Variants in ENOX1 observed in about 807,000 individuals in gnomAD.
The protein encoded by ENOX1 is ecto-NOX disulfide-thiol exchanger 1.
Under a neutral mutation model 82.5 loss-of-function variants are expected in ENOX1, and 42 were observed. That is an observed-to-expected ratio of 0.51 (90% CI 0.40 to 0.66). ENOX1 has a LOEUF of 0.66. Ranked by LOEUF, ENOX1 falls within the 30% of genes least tolerant of loss-of-function variation. The pLI is 0.00. For synonymous variants in ENOX1, 271 were observed against 282.2 expected (o/e 0.96, Z 0.40); for missense variants, 608 against 811.6 (o/e 0.75, Z 3.05).
chr13:43,324,959 A>G (rs1159335661), intron 10 of ENOX1, among the ~76,000 whole-genome samples: 1 of 152,222 alleles, frequency 6.6e-6, no homozygotes, highest in Non-Finnish European at 1.5e-5. Flanking sequence ...CCTTTCTCTC[A>G]ACATTCCTTT....
chr13:43,280,883 G>T (rs932662402), intron 12 of ENOX1, among the ~76,000 whole-genome samples: 1 of 152,128 alleles, frequency 6.6e-6, no homozygotes, highest in Admixed American at 6.5e-5. Flanking sequence ...AAATAAATGG[G>T]CACATTCATC....
At chr13:43,695,843 A>AT (rs1015213753) in intron 1 of ENOX1, among the ~76,000 whole-genome samples, 2 of 152,128 alleles carry the variant, frequency 1.3e-5, no homozygotes, top group African/African-American at 2.4e-5. Flanking sequence ...CGGTTCAGTG[A>AT]TTTTTAATAT....
intron 2 of ENOX1, among the ~76,000 whole-genome samples, chr13:43,507,839 A>G (rs1460043868): frequency 6.6e-6 from 1 of 152,054 alleles, no homozygotes; most frequent in Non-Finnish European, 1.5e-5. Flanking sequence ...CACAAAGAAA[A>G]GTAAAAGCAA....
At chr13:43,703,962 T>C (rs2087079756) in intron 1 of ENOX1, among the ~76,000 whole-genome samples, 2 of 151,984 alleles carry the variant, frequency 1.3e-5, no homozygotes, top group African/African-American at 4.8e-5. Flanking sequence ...AAAATGACCT[T>C]AGTAGCAAAG....
intron 2 of ENOX1, among the ~76,000 whole-genome samples, chr13:43,506,986 TA>T (rs71099836): frequency 0.77 from 116,327 of 150,788 alleles, 45,030 homozygotes; most frequent in East Asian, 0.98. Context: ...TAAAGTATAA[TA>T]AAAAAAAACC....
At chr13:43,781,592 C>A (rs1180884614) in intron 1 of ENOX1, among the ~76,000 whole-genome samples, 1 of 152,064 alleles carries the variant, frequency 6.6e-6, no homozygotes, top group Non-Finnish European at 1.5e-5. Flanking sequence ...TGGCTCACTG[C>A]AACCTCTGCC....
In ENOX1 at chr13:43,417,227, ACGGGAGACGGGAGAC is replaced by A. The variant is rs1188694402; in HGVS notation, c.-74-4254_-74-4240del. Reference sequence around the variant, plus strand: ...GGAGACGGGAGACGGGAGACGGGAGACGGGAGACGGGAGACGGGAGAGGGAGAGGGAGAGGGAGAG... The same window carrying A: ...GGAGACGGGAGACGGGAGACGGGAGAGGGAGAGGGAGAGGGAGAGGGAGAG... On this transcript the variant is annotated intron_variant, in intron 3 of 16. Coordinates refer to ENST00000690772, the MANE Select transcript of ENOX1 (RefSeq NM_001347969.2). 6.3e-3 allele frequency among the ~76,000 whole-genome samples: 364 copies of A among 57,486 alleles called. 11 individuals carry two copies. Among genetic ancestry groups the A allele is most frequent in the Middle Eastern group, 0.019 (2 of 108 alleles). 37.7% of individuals were successfully genotyped at this position (57,486 alleles called of 152,430 possible). A position where few individuals can be genotyped will look rare whatever the true frequency, so the allele number is the denominator to read the frequency against.
intron 2 of ENOX1, among the ~76,000 whole-genome samples, chr13:43,522,397 T>TA (rs2077809741): frequency 6.6e-6 from 1 of 152,102 alleles, no homozygotes; most frequent in African/African-American, 2.4e-5. Flanking sequence ...AAATAACCCC[T>TA]AATCCATTTT....
At chr13:43,672,956 AC>A (rs779830651) in intron 1 of ENOX1, among the ~76,000 whole-genome samples, 10 of 151,968 alleles carry the variant, frequency 6.6e-5, no homozygotes, top group Non-Finnish European at 1.5e-4. Flanking sequence ...AAAGTCTCTT[AC>A]CTCCCAAAGC....
intron 3 of ENOX1, among the ~76,000 whole-genome samples, chr13:43,479,815 A>G (rs902993293): frequency 1.3e-5 from 2 of 152,214 alleles, no homozygotes; most frequent in African/African-American, 4.8e-5. Flanking sequence ...GCAGACCTCC[A>G]CTGCTGGACA....
intron 3 of ENOX1, among the ~76,000 whole-genome samples, chr13:43,435,836 T>G (rs1006236249): frequency 6.6e-6 from 1 of 151,408 alleles, no homozygotes; most frequent in Non-Finnish European, 1.5e-5. Context: ...ATTGTAGAAG[T>G]CTGTGGTTGA....
intron 2 of ENOX1, among the ~76,000 whole-genome samples, chr13:43,504,224 G>T (rs1471512020): frequency 6.6e-6 from 1 of 151,768 alleles, no homozygotes; most frequent in East Asian, 1.9e-4. Context: ...AGCTGTTGGT[G>T]GGAATGTAAA....
chr13:43,604,319 T>C (rs2081882767), intron 2 of ENOX1, among the ~76,000 whole-genome samples: 1 of 152,136 alleles, frequency 6.6e-6, no homozygotes, highest in Admixed American at 6.5e-5. Context: ...GAAAATTTTC[T>C]CCCATTTTGT....
intron 1 of ENOX1, among the ~76,000 whole-genome samples, chr13:43,669,444 T>C (rs1045606528): frequency 5.9e-5 from 9 of 152,162 alleles, no homozygotes; most frequent in African/African-American, 2.2e-4. Flanking sequence ...CTATCTCTAA[T>C]TCAACTCCCT....
intron 5 of ENOX1, among the ~76,000 whole-genome samples, chr13:43,365,937 T>C (rs2050819933): frequency 6.6e-6 from 1 of 152,210 alleles, no homozygotes; most frequent in African/African-American, 2.4e-5. Context: ...CTAACAAACA[T>C]GCAATTGTGC....
intron 11 of ENOX1, among the ~76,000 whole-genome samples, chr13:43,314,691 C>T (rs2047383563): frequency 1.3e-5 from 2 of 152,208 alleles, no homozygotes; most frequent in South Asian, 4.1e-4. Context: ...AACAATGTTA[C>T]AGTCACACTT....
intron 2 of ENOX1, among the ~76,000 whole-genome samples, chr13:43,626,905 A>C (rs2082988580): frequency 6.6e-6 from 1 of 151,816 alleles, no homozygotes; most frequent in Admixed American, 6.6e-5. Context: ...TCCACATATA[A>C]TTGTAGATTT....
intron 2 of ENOX1, among the ~76,000 whole-genome samples, chr13:43,581,631 T>C (rs929428623): frequency 1.1e-4 from 16 of 152,212 alleles, no homozygotes; most frequent in African/African-American, 3.4e-4. Context: ...TCAGCGGTTA[T>C]TGATTACGAG....
intron 2 of ENOX1, among the ~76,000 whole-genome samples, chr13:43,556,151 A>G (rs1317406122): frequency 1.3e-5 from 2 of 152,186 alleles, no homozygotes; most frequent in Non-Finnish European, 2.9e-5. Flanking sequence ...TTTTTTCTAA[A>G]TCTTTAATCG....
Sources: allele counts gnomAD v4.1 joint callset (sites outside exome capture counted in the v4.1 genomes callset), GRCh38; gene constraint gnomAD v4.1.1; transcripts MANE v1.5; gene names NCBI Gene and HGNC (gene_info 2026-07-23, HGNC 2026-07-21).